The following GMDS variants were observed in gnomAD, a reference collection of about 807,000 sequenced individuals.
The protein encoded by GMDS is GDP-mannose 4,6 dehydratase.
Under a neutral mutation model 49.9 loss-of-function variants are expected in GMDS, and 20 were observed. The observed-to-expected ratio is 0.40, with a 90% CI of 0.28 to 0.58. The LOEUF (loss-of-function observed/expected upper bound fraction) is 0.58, where lower values mean the gene tolerates loss of function less well. GMDS is among the 20% of genes least tolerant of loss of function. GMDS has a pLI of 0.42. For missense variants in GMDS, 362 were observed against 481.4 expected (o/e 0.75, Z 2.32); for synonymous variants, 177 against 178.6 (o/e 0.99, Z 0.07).
intron 7 of GMDS, among the ~76,000 whole-genome samples, chr6:1,789,538 T>C (rs976592524): frequency 2.4e-4 from 11 of 45,386 alleles, no homozygotes; most frequent in African/African-American, 1.1e-3. Context: ...TTTTCTTTTT[T>C]TTTTTTTTTT....
At chr6:1,818,954 A>G (rs905251521) in intron 7 of GMDS, among the ~76,000 whole-genome samples, 10 of 152,298 alleles carry the variant, frequency 6.6e-5, no homozygotes, top group African/African-American at 1.7e-4. Flanking sequence ...TTAGTAAATT[A>G]GCAGTGGTCA....
chr6:1,799,330 G>C (rs1489022341), intron 7 of GMDS, among the ~76,000 whole-genome samples: 1 of 152,104 alleles, frequency 6.6e-6, no homozygotes. Context: ...AATCTCTAAC[G>C]ATGATATGCT....
chr6:1,914,409 G>T, intron 7 of GMDS, among the ~76,000 whole-genome samples: 1 of 150,176 alleles, frequency 6.7e-6, no homozygotes, highest in East Asian at 2.0e-4. Context: ...GGAGCTTAAA[G>T]TGAGCCGAGA....
intron 7 of GMDS, among the ~76,000 whole-genome samples, chr6:1,763,243 C>T (rs552814418): frequency 1.4e-4 from 21 of 152,304 alleles, no homozygotes; most frequent in Non-Finnish European, 2.8e-4. Flanking sequence ...AGGTCAGCCC[C>T]ATTGCTCTGA....
At chr6:1,724,774 T>C (rs1004037323) in intron 9 of GMDS, among the ~76,000 whole-genome samples, 6 of 152,184 alleles carry the variant, frequency 3.9e-5, no homozygotes, top group South Asian at 2.1e-4. Context: ...ACAGCGTGGC[T>C]GGCATCTTCC....
At position 2,000,792 on chromosome 6, in the gene GMDS, A is replaced by G. The variant is rs188302436; in HGVS notation, c.346-39826T>C. 1.2e-3 allele frequency among the ~76,000 whole-genome samples: 186 copies of G among 152,202 alleles called. 2 individuals are homozygous for G. Among genetic ancestry groups the G allele is most frequent in the African/African-American group, 4.4e-3 (181 of 41,542 alleles). On this transcript the variant is annotated intron_variant, in intron 4 of 10. Transcript: ENST00000380815. ...TTCTCCCACCTTAGCCTCCCAAGTA[A>G]CTGGAACTATAGGCATACACCACCA...
At chr6:1,997,446 T>C (rs1766359409) in intron 4 of GMDS, among the ~76,000 whole-genome samples, 1 of 144,734 alleles carries the variant, frequency 6.9e-6, no homozygotes, top group African/African-American at 2.6e-5. Context: ...AGGCGGAGGC[T>C]GTAGTGAGCT....
chr6:1,941,844 A>T (rs1332004616), intron 6 of GMDS, among the ~76,000 whole-genome samples: 1 of 152,194 alleles, frequency 6.6e-6, no homozygotes, highest in Admixed American at 6.5e-5. Context: ...TAGGGAGAAC[A>T]CAAACGCAGG....
chr6:1,630,315 T>G (rs935272734), intron 9 of GMDS, among the ~76,000 whole-genome samples: 2 of 152,358 alleles, frequency 1.3e-5, no homozygotes, highest in Admixed American at 1.3e-4. Context: ...ACGAACCGCA[T>G]GTGGCCTATG....
chr6:1,757,442 A>G (rs535666962), intron 7 of GMDS, among the ~76,000 whole-genome samples: 3 of 152,342 alleles, frequency 2.0e-5, no homozygotes, highest in African/African-American at 7.2e-5. Context: ...GGAACAACAT[A>G]AAAGCTCTGG....
At chr6:2,138,501 T>C (rs1562089974) in intron 1 of GMDS, among the ~76,000 whole-genome samples, 1 of 152,180 alleles carries the variant, frequency 6.6e-6, no homozygotes, top group Non-Finnish European at 1.5e-5. Flanking sequence ...TTAATGAACA[T>C]TTGATATAGT....
intron 1 of GMDS, among the ~76,000 whole-genome samples, chr6:2,170,533 G>A (rs1004516965): frequency 1.3e-5 from 2 of 151,752 alleles, no homozygotes; most frequent in African/African-American, 2.4e-5. Context: ...AGGCTGACGT[G>A]GGAGGATCAC....
At chr6:1,883,639 C>G (rs1381986450) in intron 7 of GMDS, among the ~76,000 whole-genome samples, 1 of 152,128 alleles carries the variant, frequency 6.6e-6, no homozygotes, top group Non-Finnish European at 1.5e-5. Flanking sequence ...GTCTAATTTT[C>G]ACACACATAC....
chr6:1,624,789 C>G (rs1369916584), intron 9 of GMDS: 1 of 421,162 alleles, frequency 2.4e-6, no homozygotes, highest in African/African-American at 2.1e-5. Flanking sequence ...GCTACCTCCA[C>G]ACCTCTTCTC....
At chr6:1,773,623 T>C (rs987890877) in intron 7 of GMDS, among the ~76,000 whole-genome samples, 1 of 152,244 alleles carries the variant, frequency 6.6e-6, no homozygotes, top group East Asian at 1.9e-4. Context: ...AGGCCTGTGC[T>C]GAGCAGCATC....
rs1768338781 is a variant in GMDS, at chr6:1,766,047, C to A, written c.772-23461G>T. On this transcript the variant is annotated intron_variant, in intron 7 of 10. Coordinates refer to ENST00000380815, the MANE Select transcript of GMDS (RefSeq NM_001500.4). This position sits in a 1 kb window ranked among gnomAD's most constrained non-coding sequence, Gnocchi z 4.5. ...CAGAAATCAGCTGCAAACGTCCTCT[C>A]TCCCAGTGGGCAGAGCGGCTGCACT... Among the ~76,000 whole-genome samples the A allele has an allele frequency of 6.6e-6, 1 of 152,172 alleles. No homozygotes were observed. Among genetic ancestry groups the A allele is most frequent in the Non-Finnish European group, 1.5e-5 (1 of 68,028 alleles).
intron 7 of GMDS, among the ~76,000 whole-genome samples, chr6:1,828,330 G>A (rs1771212709): frequency 6.6e-6 from 1 of 152,150 alleles, no homozygotes; most frequent in Non-Finnish European, 1.5e-5. Flanking sequence ...AACATAATCT[G>A]CAGGAGTCAC....
At chr6:1,944,512 A>T (rs575294546) in intron 6 of GMDS, among the ~76,000 whole-genome samples, 200 of 150,570 alleles carry the variant, frequency 1.3e-3, no homozygotes, top group African/African-American at 4.6e-3. Flanking sequence ...CTAAAAAAAT[A>T]TATATATATT....
At chr6:2,052,131 G>GAAAAAAAAAAAAAAAAAAAAAA (rs576035823) in intron 4 of GMDS, among the ~76,000 whole-genome samples, 1 of 99,652 alleles carries the variant, frequency 1.0e-5, no homozygotes, top group Non-Finnish European at 2.1e-5. Context: ...AAAAAAAAAA[G>GAAAAAAAAAAAAAAAAAAAAAA]AAAAAAAAAA....
Sources: gnomAD v4.1 joint callset for allele counts (sites outside exome capture counted in the v4.1 genomes callset) on GRCh38, gnomAD v4.1.1 for gene constraint, Gnocchi (gnomAD v3.1) non-coding constraint, MANE v1.5 for transcripts, NCBI Gene and HGNC (gene_info 2026-07-23, HGNC 2026-07-21) for gene names.